The following ARHGAP19 variants were observed in gnomAD, a reference collection of about 807,000 sequenced individuals.
ARHGAP19 encodes Rho GTPase activating protein 19.
Under a neutral mutation model 60.9 loss-of-function variants are expected in ARHGAP19, and 48 were observed. The ratio of observed to expected loss-of-function variants is 0.79; its 90% CI spans 0.62 to 1.00. The LOEUF (loss-of-function observed/expected upper bound fraction) is 1.00, where lower values mean the gene tolerates loss of function less well. Ranked by LOEUF, ARHGAP19 falls within the 50% of genes least tolerant of loss-of-function variation. The pLI is 0.00. For missense variants in ARHGAP19, 562 were observed against 597.2 expected, an observed-to-expected ratio of 0.94 and a Z score of 0.61; for synonymous variants, 209 against 215.5, an observed-to-expected ratio of 0.97 and a Z score of 0.27.
At chr10:97,234,668 T>G (rs188869060) in intron 9 of ARHGAP19, among the ~76,000 whole-genome samples, 1 of 151,616 alleles carries the variant, frequency 6.6e-6, no homozygotes, top group Non-Finnish European at 1.5e-5. Context: ...AACATGGTGA[T>G]AGCAGCAATA....
chr10:97,235,317 TA>T lies in ARHGAP19; in HGVS notation c.1186-3del, dbSNP rs1564711955. 1 of 1,601,702 alleles carries T rather than the reference TA, an allele frequency of 6.2e-7. No homozygotes were observed. Among genetic ancestry groups the T allele is most frequent in the East Asian group, 2.2e-5 (1 of 44,784 alleles). ...CTGGGTCAATGATTGCTTATTAAAC[TA>T]AAAGAAAACATGGAGAACATTTTAT... On this transcript the variant is annotated splice_polypyrimidine_tract_variant and splice_region_variant and intron_variant, in intron 8 of 11. Coordinates refer to ENST00000358531, the MANE Select transcript of ARHGAP19 (RefSeq NM_032900.6).
chr10:97,259,492 T>C lies in ARHGAP19; in HGVS notation c.750A>G (p.Leu250=), dbSNP rs1440942370. 4 of 1,614,036 alleles carry C rather than the reference T, an allele frequency of 2.5e-6. No individual in the cohort carries two copies. The Admixed American group carries it at 5.0e-5, about 20-fold the overall frequency. ...RNLLKLLLDL[L]YQTAKKQDKN... is the part of the protein sequence containing the mutation. ...TGTCTTGTTTCTTTGCTGTCTGGTA[T>C]AGGAGATCAAGCAATAACTTCAGCA... The change falls in exon 5 of 12, where the codon CTA becomes CTG. Residue 250 remains leucine, a synonymous_variant. Transcript: ENST00000358531.
intron 1 of ARHGAP19, among the ~76,000 whole-genome samples, chr10:97,270,453 G>C (rs1842947379): frequency 6.6e-6 from 1 of 151,994 alleles, no homozygotes; most frequent in African/African-American, 2.4e-5. Flanking sequence ...ACAATATAAA[G>C]CTAAAAATAT....
intron 6 of ARHGAP19, among the ~76,000 whole-genome samples, chr10:97,251,173 AAGGG>A (rs1842641929): frequency 1.1e-5 from 1 of 94,880 alleles, no homozygotes; most frequent in Non-Finnish European, 2.1e-5. Flanking sequence ...AGGGAAGGGG[AAGGG>A]AAAGGGAAAG....
chr10:97,229,581 GTGTT>G (rs1311504461), intron 10 of ARHGAP19, among the ~76,000 whole-genome samples, 179 bp downstream of exon 10: 2 of 151,960 alleles, frequency 1.3e-5, no homozygotes, highest in African/African-American at 2.4e-5. Context: ...AATTCAAAAT[GTGTT>G]TGTTTGTTGA....
chr10:97,243,904 T>C lies in ARHGAP19; in HGVS notation c.1185+64A>G. 3.5e-6 allele frequency: 5 copies of C among 1,415,286 alleles called. No individual in the cohort carries two copies. In the South Asian group the frequency reaches 6.9e-5, roughly 19 times the overall value. 87.7% of individuals were successfully genotyped at this position (1,415,286 alleles called of 1,614,324 possible). A position where few individuals can be genotyped will look rare whatever the true frequency, so the allele number is the denominator to read the frequency against. ...AAATGAGATTCTTAACAATATGACCTACTGATTCTACAACCACGATTACAC... is the reference window on the plus strand; with the variant it reads ...AAATGAGATTCTTAACAATATGACCCACTGATTCTACAACCACGATTACAC... On this transcript the variant is annotated intron_variant, in intron 8 of 11. Transcript: ENST00000358531.
At chr10:97,280,173 G>A (rs990632251) in intron 1 of ARHGAP19, among the ~76,000 whole-genome samples, 11 of 152,100 alleles carry the variant, frequency 7.2e-5, no homozygotes, top group African/African-American at 2.7e-4. Flanking sequence ...TTAGGAGGCC[G>A]AGGTGGACAG....
At position 97,229,128 on chromosome 10, in the gene ARHGAP19, G is replaced by A. The variant is rs1429844686; in HGVS notation, c.1474+19C>T. On this transcript the variant is annotated intron_variant, in intron 11 of 11. Transcript: ENST00000358531. ...AGGAATTACATTTAGTAAGAACAGA[G>A]AGTAAGTACAATTAGTACCTTTTTT... 1 of 1,597,120 alleles carries A rather than the reference G, an allele frequency of 6.3e-7. No individual in the cohort carries two copies. Among genetic ancestry groups the A allele is most frequent in the South Asian group, 1.1e-5 (1 of 90,728 alleles).
chr10:97,236,101 G>A (rs1188031515), intron 8 of ARHGAP19, among the ~76,000 whole-genome samples: 6 of 152,046 alleles, frequency 3.9e-5, no homozygotes, highest in Admixed American at 3.9e-4. Context: ...TCAGCCTGGC[G>A]AGTAGCTGGG....
rs774814875 is a variant in ARHGAP19 at position 97,244,128 on chromosome 10, G to A, written c.1025C>T (p.Thr342Ile). 12 of 1,613,460 alleles carry A rather than the reference G, an allele frequency of 7.4e-6. No homozygotes were observed. The African/African-American group carries it at 1.5e-4, about 20-fold the overall frequency. Residue 342 changes from threonine to isoleucine, a missense_variant, in exon 8 of 12, where the codon ACT becomes ATT. Coordinates refer to ENST00000358531, the MANE Select transcript of ARHGAP19 (RefSeq NM_032900.6). ...AGACTTTGCCAGCTGAAAGGACTTA[G>A]TATGACATGAAGCTATGAGGTCAAG... ...DDLDLIASCH[T>I]KSFQLAKSQK...
chr10:97,269,156 A>G (rs1033373590), intron 1 of ARHGAP19, among the ~76,000 whole-genome samples: 1 of 152,224 alleles, frequency 6.6e-6, no homozygotes, highest in African/African-American at 2.4e-5. Flanking sequence ...ACTTCTAAAT[A>G]TTAAATATAA....
chr10:97,251,422 A>G, intron 6 of ARHGAP19, among the ~76,000 whole-genome samples: 4 of 56,342 alleles, frequency 7.1e-5, no homozygotes, highest in Non-Finnish European at 1.4e-4. Context: ...AAGGAAGGGG[A>G]AGGGAAGGGG....
chr10:97,227,404 A>G (rs1850917891), intron 11 of ARHGAP19, among the ~76,000 whole-genome samples: 1 of 152,236 alleles, frequency 6.6e-6, no homozygotes, highest in Non-Finnish European at 1.5e-5. Flanking sequence ...AAGGAGACCA[A>G]GCTGCAAAGA....
intron 1 of ARHGAP19, among the ~76,000 whole-genome samples, chr10:97,285,433 A>G (rs990996034): frequency 1.3e-5 from 2 of 151,466 alleles, no homozygotes; most frequent in African/African-American, 4.9e-5. Context: ...CTTGAGCTCA[A>G]GTGATCCTCC....
intron 1 of ARHGAP19, among the ~76,000 whole-genome samples, chr10:97,287,007 G>T (rs1459926092): frequency 6.6e-6 from 1 of 152,156 alleles, no homozygotes; most frequent in African/African-American, 2.4e-5. Context: ...GAGTGCAATG[G>T]CAGGATGATG....
At chr10:97,258,532 T>C (rs912498439) in intron 5 of ARHGAP19, 5 of 151,464 alleles carry the variant, frequency 3.3e-5, no homozygotes, top group Non-Finnish European at 7.4e-5. Context: ...AGACTCTGTC[T>C]CAAAAAAAAA....
chr10:97,291,998 A>G (rs551302322), intron 1 of ARHGAP19, among the ~76,000 whole-genome samples: 6 of 152,318 alleles, frequency 3.9e-5, no homozygotes, highest in South Asian at 2.1e-4. Flanking sequence ...TCTATTGCGT[A>G]GAGTTGTCAT....
chr10:97,246,173 T>G lies in ARHGAP19; in HGVS notation c.993+99A>C. 3 of 1,007,770 alleles carry G rather than the reference T, an allele frequency of 3.0e-6. No individual in the cohort carries two copies. In the South Asian group the frequency reaches 4.2e-5, roughly 14 times the overall value. 62.4% of individuals were successfully genotyped at this position (1,007,770 alleles called of 1,614,324 possible). On this transcript the variant is annotated intron_variant, in intron 7 of 11. Coordinates refer to ENST00000358531, the MANE Select transcript of ARHGAP19 (RefSeq NM_032900.6). ...TTTGAGCTATAATACTAAAACTTATTATTTTCCATGCTTTTACTTTGACTT... is the reference window on the plus strand; with the variant it reads ...TTTGAGCTATAATACTAAAACTTATGATTTTCCATGCTTTTACTTTGACTT...
chr10:97,231,815 A>G lies in ARHGAP19; in HGVS notation c.1285-1941T>C, dbSNP rs113300339. 2.8e-3 allele frequency among the ~76,000 whole-genome samples: 421 copies of G among 152,152 alleles called. 2 individuals carry two copies. The highest frequency in any genetic ancestry group is 8.9e-3 in the African/African-American group (371 of 41,512). On this transcript the variant is annotated intron_variant, in intron 9 of 11. Transcript: ENST00000358531. Reference sequence around the variant, plus strand: ...GACCCTGCTTTCAATTCTTTTGGTTATATACCGGGAGTAGCATTGCTGGAT... The same window carrying G: ...GACCCTGCTTTCAATTCTTTTGGTTGTATACCGGGAGTAGCATTGCTGGAT...
Sources: allele counts gnomAD v4.1 joint callset (sites outside exome capture counted in the v4.1 genomes callset), GRCh38; gene constraint gnomAD v4.1.1; transcripts MANE v1.5; gene names NCBI Gene and HGNC (gene_info 2026-07-23, HGNC 2026-07-21).